The following GLIS1 variants were observed in gnomAD, a reference collection of about 807,000 sequenced individuals.
GLIS1 encodes zinc finger protein GLIS1.
Under a neutral mutation model 63.8 loss-of-function variants are expected in GLIS1, and 24 were observed. That is an observed-to-expected ratio of 0.38 (90% CI 0.27 to 0.53). GLIS1 has a LOEUF of 0.53. Among genes scored for constraint, GLIS1 ranks in the 20% least tolerant of loss-of-function variants. The probability of loss-of-function intolerance (pLI) is 0.85; values close to 1 mark genes in which losing one functional copy is unlikely to be tolerated. For synonymous variants in GLIS1, 450 were observed against 482.5 expected (o/e 0.93, Z 0.88); for missense variants, 1,036 against 1,074.1 (o/e 0.96, Z 0.50).
At chr1:53,643,808 T>A (rs1645813509) in intron 2 of GLIS1, among the ~76,000 whole-genome samples, 1 of 152,148 alleles carries the variant, frequency 6.6e-6, no homozygotes, top group East Asian at 1.9e-4. Flanking sequence ...CATCGGGGGC[T>A]GACAGGAGGA....
chr1:53,666,621 C>G (rs1646093917), intron 2 of GLIS1, among the ~76,000 whole-genome samples: 1 of 152,172 alleles, frequency 6.6e-6, no homozygotes, highest in African/African-American at 2.4e-5. Flanking sequence ...CAAAGCCAGG[C>G]CTGGCAAATT....
At chr1:53,576,414 A>C (rs537397102) in intron 4 of GLIS1, among the ~76,000 whole-genome samples, 2 of 152,300 alleles carry the variant, frequency 1.3e-5, no homozygotes, top group African/African-American at 4.8e-5. Context: ...CCTATTTTGC[A>C]GTGTGAGATG....
Position 53,652,407 on chromosome 1 carries a change from C to T in GLIS1, c.260-52129G>A, listed in dbSNP as rs986940869. Among the ~76,000 whole-genome samples the T allele has an allele frequency of 2.0e-5, 3 of 152,102 alleles. No individual in the cohort carries two copies. The East Asian group carries it at 5.8e-4, about 29-fold the overall frequency. On this transcript the variant is annotated intron_variant, in intron 2 of 10. Coordinates refer to ENST00000628545, the MANE Select transcript of GLIS1 (RefSeq NM_001367484.1). ...AGGGGTGAGTCCTCCACCTGCCATA[C>T]CTGAAGGCATGCCCTCATCTGCTGG...
chr1:53,637,489 G>C (rs567689914), intron 2 of GLIS1, among the ~76,000 whole-genome samples: 1 of 152,206 alleles, frequency 6.6e-6, no homozygotes, highest in East Asian at 1.9e-4. Flanking sequence ...GCACTGATAA[G>C]ATGGTGCACA....
intron 2 of GLIS1, among the ~76,000 whole-genome samples, chr1:53,688,533 T>C (rs919260136): frequency 3.3e-5 from 5 of 152,172 alleles, no homozygotes; most frequent in Non-Finnish European, 1.5e-5. Context: ...AAGACTTCCC[T>C]GGTCTCCCGA....
At chr1:53,580,090 G>A (rs1283081768) in intron 4 of GLIS1, among the ~76,000 whole-genome samples, 3 of 152,160 alleles carry the variant, frequency 2.0e-5, no homozygotes, top group African/African-American at 7.2e-5. Context: ...GAGCCCCTGG[G>A]GCAGAGCCTA....
At chr1:53,510,375 G>C (rs1331038315) in intron 8 of GLIS1, among the ~76,000 whole-genome samples, 2 of 152,156 alleles carry the variant, frequency 1.3e-5, no homozygotes, top group Non-Finnish European at 2.9e-5. Flanking sequence ...TCCTGGACGG[G>C]CTGCTGGCTC....
chr1:53,565,745 T>C (rs1434824912), intron 4 of GLIS1, among the ~76,000 whole-genome samples: 1 of 152,018 alleles, frequency 6.6e-6, no homozygotes, highest in Non-Finnish European at 1.5e-5. Context: ...GATAGTTTTA[T>C]AGGCAAGTTT....
rs543991417 is a variant in GLIS1 at position 53,524,686 on chromosome 1, G to A, written c.1593+91C>T. On this transcript the variant is annotated intron_variant, in intron 6 of 10. Coordinates refer to ENST00000628545, the MANE Select transcript of GLIS1 (RefSeq NM_001367484.1). ...AGTGGCATACAGGGCGAGTGGGTGGGCAGATGCATGTGTTGAGGGTGGGCA... is the reference window on the plus strand; with the variant it reads ...AGTGGCATACAGGGCGAGTGGGTGGACAGATGCATGTGTTGAGGGTGGGCA... The A allele has an allele frequency of 2.0e-4, 165 of 843,490 alleles. 1 individual carries two copies. In the African/African-American group the frequency reaches 2.5e-3, roughly 13 times the overall value. The allele number at this position is 843,490 out of a possible 1,614,324, so 52.3% of individuals were successfully genotyped here.
chr1:53,530,605 C>T (rs1288174122), intron 4 of GLIS1, among the ~76,000 whole-genome samples: 2 of 152,178 alleles, frequency 1.3e-5, no homozygotes, highest in East Asian at 3.9e-4. Flanking sequence ...CATATACAGC[C>T]CTCCACACCT....
At chr1:53,525,847 G>A (rs963501614) in intron 5 of GLIS1, among the ~76,000 whole-genome samples, 4 of 151,960 alleles carry the variant, frequency 2.6e-5, no homozygotes, top group Non-Finnish European at 5.9e-5. Flanking sequence ...CCTCCTCCCC[G>A]GGCCAGAACA....
chr1:53,548,549 G>C (rs976779957), intron 4 of GLIS1, among the ~76,000 whole-genome samples: 2 of 152,230 alleles, frequency 1.3e-5, no homozygotes, highest in African/African-American at 4.8e-5. Context: ...CCTTTGCTGT[G>C]ATGAGAACCC....
At chr1:53,723,661 G>C (rs1039143058) in intron 2 of GLIS1, among the ~76,000 whole-genome samples, 1 of 152,150 alleles carries the variant, frequency 6.6e-6, no homozygotes, top group African/African-American at 2.4e-5. Flanking sequence ...AGTCATTACT[G>C]GGGGGTGAGA....
At chr1:53,589,307 T>G (rs1246671921) in intron 4 of GLIS1, among the ~76,000 whole-genome samples, 1 of 152,192 alleles carries the variant, frequency 6.6e-6, no homozygotes, top group Non-Finnish European at 1.5e-5. Flanking sequence ...TGGCTTGCAT[T>G]GAGCCAGGAT....
At chr1:53,512,872 A>G (rs1282483015) in intron 8 of GLIS1, among the ~76,000 whole-genome samples, 1 of 150,600 alleles carries the variant, frequency 6.6e-6, no homozygotes, top group Non-Finnish European at 1.5e-5. Flanking sequence ...TTGGTGGGTG[A>G]GCAGGTGGCC....
intron 2 of GLIS1, among the ~76,000 whole-genome samples, chr1:53,608,576 G>C (rs1420259674): frequency 3.3e-5 from 5 of 152,180 alleles, no homozygotes; most frequent in African/African-American, 1.2e-4. Flanking sequence ...TCTTGATTTT[G>C]CCACTTACTA....
chr1:53,538,100 T>C (rs1222041229), intron 4 of GLIS1, among the ~76,000 whole-genome samples: 1 of 152,256 alleles, frequency 6.6e-6, no homozygotes, highest in East Asian at 1.9e-4. Context: ...GTTACTGTCC[T>C]GTGCTCCCCC....
intron 2 of GLIS1, 47 bp downstream of exon 2, chr1:53,737,759 C>G (rs1309587828): frequency 1.6e-6 from 2 of 1,230,278 alleles, no homozygotes; most frequent in Non-Finnish European, 1.0e-6. Context: ...CCGGGCAGCC[C>G]GAATCTCCAC....
chr1:53,576,298 C>T (rs1188433092), intron 4 of GLIS1, among the ~76,000 whole-genome samples: 1 of 152,204 alleles, frequency 6.6e-6, no homozygotes, highest in Admixed American at 6.5e-5. Flanking sequence ...ACTGGGGCAT[C>T]AGATGCAGGG....
Sources: allele counts gnomAD v4.1 joint callset (sites outside exome capture counted in the v4.1 genomes callset), GRCh38; gene constraint gnomAD v4.1.1; transcripts MANE v1.5; gene names NCBI Gene and HGNC (gene_info 2026-07-23, HGNC 2026-07-21).